SLC8A3: variants seen among roughly 807,000 people sequenced by gnomAD.
The protein encoded by SLC8A3 is solute carrier family 8 member A3, also known as sodium/calcium exchanger 3.
SLC8A3 carries 37 observed loss-of-function variants against 65.4 expected under a neutral mutation model. The observed-to-expected ratio is 0.57, with a 90% CI of 0.44 to 0.74. SLC8A3 has a LOEUF of 0.74. SLC8A3 is among the 30% of genes least tolerant of loss of function. The probability of loss-of-function intolerance (pLI) is 0.00; values close to 1 mark genes in which losing one functional copy is unlikely to be tolerated. For missense variants in SLC8A3, 1,112 were observed against 1,172.1 expected, an observed-to-expected ratio of 0.95 and a Z score of 0.75; for synonymous variants, 461 against 444.5, an observed-to-expected ratio of 1.04 and a Z score of -0.47.
In SLC8A3 at chr14:70,051,075, G is replaced by A. The variant is rs1428110947; in HGVS notation, c.2046C>T (p.Asn682=). 4.3e-6 allele frequency: 7 copies of A among 1,613,534 alleles called. No individual in the cohort carries two copies. Among genetic ancestry groups the A allele is most frequent in the African/African-American group, 2.7e-5 (2 of 74,906 alleles). Residue 682 remains asparagine (N), a synonymous_variant, in exon 5 of 7, where the codon AAC becomes AAT. Transcript: ENST00000356921. ...TTVDKLIKKT[N]LALVVGTHSW... ...AATGGGTCCCCACAACCAAGGCCAG[G>A]TTTGTCTTCTTGATCAGTTTGTCCA...
intron 2 of SLC8A3, among the ~76,000 whole-genome samples, chr14:70,105,964 A>T (rs1892842726): frequency 6.6e-6 from 1 of 151,532 alleles, no homozygotes. Context: ...TGATTAAACC[A>T]TATTAGAAGC....
At position 70,048,754 on chromosome 14, in the gene SLC8A3, C is replaced by A. The variant is rs1887086425; in HGVS notation, c.2389+13G>T. On this transcript the variant is annotated intron_variant, in intron 6 of 6. Transcript: ENST00000356921. The stretch of plus-strand genomic sequence containing the variant: ...AAATCCTCTTTGCAAATTCAAGCAC[C>A]TCTCACTCTCACCTGGGACAGAGGT... The A allele has an allele frequency of 6.2e-7, 1 of 1,612,038 alleles. No homozygotes were observed. Among genetic ancestry groups the A allele is most frequent in the African/African-American group, 1.3e-5 (1 of 75,018 alleles).
intron 6 of SLC8A3, chr14:70,048,409 T>A (rs1310688323): frequency 3.5e-6 from 2 of 569,188 alleles, no homozygotes; most frequent in East Asian, 5.7e-5. Flanking sequence ...GTTAAGAAAT[T>A]GGACCACTTA....
chr14:70,173,609 C>T (rs776732792), intron 1 of SLC8A3, among the ~76,000 whole-genome samples: 3 of 152,204 alleles, frequency 2.0e-5, no homozygotes, highest in Admixed American at 6.5e-5. Flanking sequence ...AACACTGCTC[C>T]GGGCATGTCA....
chr14:70,130,949 A>G (rs1411407251), intron 2 of SLC8A3, among the ~76,000 whole-genome samples: 4 of 152,246 alleles, frequency 2.6e-5, no homozygotes, highest in Non-Finnish European at 5.9e-5. Context: ...TTGAATCTTC[A>G]CAATATAGAA....
At chr14:70,142,319 C>T (rs994309025) in intron 2 of SLC8A3, among the ~76,000 whole-genome samples, 4 of 152,170 alleles carry the variant, frequency 2.6e-5, no homozygotes, top group African/African-American at 7.2e-5. Context: ...TGACTATGAT[C>T]GTTCAGATTC....
Position 70,162,631 on chromosome 14 carries a change from A to G in SLC8A3, c.1784+4008T>C, listed in dbSNP as rs374713129. Among the ~76,000 whole-genome samples, 4 of 152,320 alleles carry G rather than the reference A, an allele frequency of 2.6e-5. No homozygotes were observed. In the East Asian group the frequency reaches 7.7e-4, roughly 29 times the overall value. On this transcript the variant is annotated intron_variant, in intron 2 of 6. Coordinates refer to ENST00000356921, the MANE Select transcript of SLC8A3 (RefSeq NM_182932.3). ...AAGGCGTGCTGAGAGCCTGGGATAT[A>G]GGAGCCAGTCACTTGTTTAATGAGT...
chr14:70,060,874 G>A lies in SLC8A3; in HGVS notation c.1850C>T (p.Ala617Val), dbSNP rs1566744016. The change falls in exon 3 of 7, where the codon GCC (alanine) becomes GTC (valine). Residue 617 changes from alanine (A) to valine (V), a missense_variant. Transcript: ENST00000356921. ...TTCCATCCATTTCGGTTCACCAAGG[G>A]CAATGAAGAAATTCTCTTGCCTTTC... ...EYERQENFFI[A>V]LGEPKWMERG... The A allele has an allele frequency of 2.0e-6, 3 of 1,532,920 alleles. No homozygotes were observed. In the African/African-American group the frequency reaches 4.2e-5, roughly 21 times the overall value. The allele number at this position is 1,532,920 out of a possible 1,614,324, so 95.0% of individuals were successfully genotyped here. A position where few individuals can be genotyped will look rare whatever the true frequency, so the allele number is the denominator to read the frequency against.
chr14:70,160,335 C>T (rs1463411053), intron 2 of SLC8A3, among the ~76,000 whole-genome samples: 3 of 152,090 alleles, frequency 2.0e-5, no homozygotes, highest in African/African-American at 7.2e-5. Context: ...GTCCCAGCTA[C>T]TTAGGAGGCT....
chr14:70,110,369 C>T (rs886275704), intron 2 of SLC8A3, among the ~76,000 whole-genome samples: 1 of 139,122 alleles, frequency 7.2e-6, no homozygotes, highest in African/African-American at 2.6e-5. Context: ...TGGTAACCAT[C>T]CTTCTACTCT....
chr14:70,060,475 G>A (rs1351279711), intron 3 of SLC8A3, among the ~76,000 whole-genome samples: 1 of 152,144 alleles, frequency 6.6e-6, no homozygotes, highest in Non-Finnish European at 1.5e-5. Flanking sequence ...TGTAGGGGTG[G>A]GGTGGGGGAG....
chr14:70,138,820 G>A (rs1895387847), intron 2 of SLC8A3, among the ~76,000 whole-genome samples: 1 of 152,226 alleles, frequency 6.6e-6, no homozygotes, highest in South Asian at 2.1e-4. Flanking sequence ...CAGTCTCAGT[G>A]CTGTTTATCT....
At chr14:70,184,043 T>C (rs774650537) in intron 1 of SLC8A3, among the ~76,000 whole-genome samples, 5 of 152,232 alleles carry the variant, frequency 3.3e-5, no homozygotes, top group Non-Finnish European at 7.3e-5. Flanking sequence ...TGTTCTCTAA[T>C]AAATCTGCCT....
chr14:70,119,083 T>C (rs1010962937), intron 2 of SLC8A3, among the ~76,000 whole-genome samples: 3 of 152,144 alleles, frequency 2.0e-5, no homozygotes. Flanking sequence ...CTTTACTCTT[T>C]CATTTAAGTG....
chr14:70,049,511 T>G (rs771975994), intron 5 of SLC8A3, among the ~76,000 whole-genome samples: 10 of 151,940 alleles, frequency 6.6e-5, no homozygotes, highest in Non-Finnish European at 1.3e-4. Flanking sequence ...GGGATAGCAT[T>G]AGGAGAAATA....
At chr14:70,134,438 C>T (rs1007984187) in intron 2 of SLC8A3, among the ~76,000 whole-genome samples, 34 of 152,166 alleles carry the variant, frequency 2.2e-4, no homozygotes, top group African/African-American at 8.2e-4. Flanking sequence ...TAACCTGATC[C>T]TCTCCAGGTT....
In SLC8A3 at chr14:70,167,345, G is replaced by A. The variant is rs745921917; in HGVS notation, c.1078C>T (p.Arg360Cys). 8.7e-6 allele frequency: 14 copies of A among 1,614,178 alleles called. No homozygotes were observed. Among genetic ancestry groups the A allele is most frequent in the East Asian group, 2.2e-5 (1 of 44,878 alleles). Residue 360 changes from arginine to cysteine, a missense_variant, in exon 2 of 7, where the codon CGT becomes TGT. Physicochemically the swap from Arg to Cys is radical, Grantham distance 180 (BLOSUM62 -3). Transcript: ENST00000356921. Reference sequence around the variant, plus strand: ...ATATTGCCTGCACCAGTCATCATACGAGTGGCTTGGATACGGTAGAAGGCA... The same window carrying A: ...ATATTGCCTGCACCAGTCATCATACAAGTGGCTTGGATACGGTAGAAGGCA... ...SRAFYRIQATRMMTGAGNILK... is the reference protein window; with the variant it reads ...SRAFYRIQATCMMTGAGNILK...
At chr14:70,073,540 A>G (rs1014723025) in intron 2 of SLC8A3, among the ~76,000 whole-genome samples, 3 of 152,212 alleles carry the variant, frequency 2.0e-5, no homozygotes, top group Non-Finnish European at 4.4e-5. Context: ...CCTGAAGTTG[A>G]TAAATCCCCT....
chr14:70,121,822 A>G (rs574890102), intron 2 of SLC8A3, among the ~76,000 whole-genome samples: 42 of 150,290 alleles, frequency 2.8e-4, no homozygotes, highest in Middle Eastern at 6.8e-3. Flanking sequence ...AAAATTTTAC[A>G]TTTTTTTTTC....
Sources: allele counts gnomAD v4.1 joint callset (sites outside exome capture counted in the v4.1 genomes callset), GRCh38; gene constraint gnomAD v4.1.1; transcripts MANE v1.5; gene names NCBI Gene and HGNC (gene_info 2026-07-23, HGNC 2026-07-21).